Variants in SLC14A2 observed in about 807,000 individuals in gnomAD.
The protein encoded by SLC14A2 is solute carrier family 14 member 2.
SLC14A2 carries 91 observed loss-of-function variants against 104.6 expected under a neutral mutation model. That is an observed-to-expected ratio of 0.87 (90% CI 0.73 to 1.04). The LOEUF is 1.04. SLC14A2 is among the 50% of genes least tolerant of loss of function. The pLI is 0.00. For missense variants in SLC14A2, 1,189 were observed against 1,156.0 expected, an observed-to-expected ratio of 1.03 and a Z score of -0.41; for synonymous variants, 476 against 466.4, an observed-to-expected ratio of 1.02 and a Z score of -0.27.
At position 45,535,855 on chromosome 18, in the gene SLC14A2, A is replaced by G. The variant is rs77155502; in HGVS notation, c.-35+52533A>G. Among the ~76,000 whole-genome samples, 1,381 of 152,328 alleles carry G rather than the reference A, an allele frequency of 9.1e-3. 20 individuals are homozygous for G. The highest frequency in any genetic ancestry group is 0.031 in the African/African-American group (1,308 of 41,576). ...CTAGCCCTAGTGCCTCTCCTCTGCCATAGTTGGACTTGGAACTATAGGCAA... is the reference window on the plus strand; with the variant it reads ...CTAGCCCTAGTGCCTCTCCTCTGCCGTAGTTGGACTTGGAACTATAGGCAA... On this transcript the variant is annotated intron_variant, in intron 2 of 20. Transcript: ENST00000586448.
intron 1 of SLC14A2, among the ~76,000 whole-genome samples, chr18:45,351,542 A>T: frequency 6.6e-6 from 1 of 152,080 alleles, no homozygotes; most frequent in East Asian, 1.9e-4. Flanking sequence ...TTTTTTAAAG[A>T]CAAGGTCTCA....
At chr18:45,646,530 A>AGC (rs2045630061) in intron 10 of SLC14A2, 2 of 152,180 alleles carry the variant, frequency 1.3e-5, no homozygotes, top group Non-Finnish European at 2.9e-5. Flanking sequence ...CACCCAAAGC[A>AGC]TTGGGTCTGA....
chr18:45,446,653 G>C (rs1029563629), intron 1 of SLC14A2, among the ~76,000 whole-genome samples: 1 of 152,164 alleles, frequency 6.6e-6, no homozygotes, highest in Non-Finnish European at 1.5e-5. Context: ...AATAGCTTCA[G>C]CTCCCAAAAT....
At chr18:45,668,167 CA>C in intron 14 of SLC14A2, 145 bp downstream of exon 14, 1 of 1,121,174 alleles carries the variant, frequency 8.9e-7, no homozygotes, top group Non-Finnish European at 1.3e-6. Flanking sequence ...TTTGTCATAG[CA>C]ACATATTTCT....
rs569322946 is a variant in SLC14A2, at chr18:45,460,347, A to G, written c.-124-22886A>G. Among the ~76,000 whole-genome samples the G allele has an allele frequency of 1.2e-3, 184 of 152,180 alleles. 1 individual carries two copies. In the South Asian group the frequency reaches 0.014, roughly 11 times the overall value. On this transcript the variant is annotated intron_variant, in intron 1 of 20. Coordinates refer to the SLC14A2 transcript ENST00000586448. ...ACCTCCATGCTGCAGCACCCTCCCA[A>G]TGAAGTCTTCCTATTCAGGTGCTAT...
chr18:45,268,742 G>A (rs2084618956), intron 1 of SLC14A2, among the ~76,000 whole-genome samples: 1 of 152,174 alleles, frequency 6.6e-6, no homozygotes, highest in Non-Finnish European at 1.5e-5. Flanking sequence ...AGGGTAGAGA[G>A]CTGGTATACA....
At chr18:45,210,960 C>T (rs1000864968), upstream of SLC14A2, among the ~76,000 whole-genome samples, 6 of 152,040 alleles carry the variant, frequency 3.9e-5, no homozygotes, top group Non-Finnish European at 5.9e-5. Flanking sequence ...AGACTGAGGC[C>T]CAGAATGACA....
chr18:45,319,417 A>G (rs1295595764), intron 1 of SLC14A2, among the ~76,000 whole-genome samples: 2 of 152,216 alleles, frequency 1.3e-5, no homozygotes, highest in African/African-American at 4.8e-5. Flanking sequence ...CATACTGCCT[A>G]TCTTGGTTAG....
intron 1 of SLC14A2, among the ~76,000 whole-genome samples, chr18:45,348,375 A>G (rs1027904858): frequency 6.6e-6 from 1 of 152,180 alleles, no homozygotes; most frequent in Non-Finnish European, 1.5e-5. Flanking sequence ...CCAGGTGACA[A>G]GGGGTCCAAA....
intron 1 of SLC14A2, among the ~76,000 whole-genome samples, chr18:45,240,445 G>A (rs930556552): frequency 1.3e-5 from 2 of 151,892 alleles, no homozygotes; most frequent in Admixed American, 1.3e-4. Flanking sequence ...AGGATGCCCA[G>A]TATATATGTG....
intron 2 of SLC14A2, among the ~76,000 whole-genome samples, chr18:45,497,065 G>A (rs1397449230): frequency 6.6e-6 from 1 of 152,062 alleles, no homozygotes; most frequent in Non-Finnish European, 1.5e-5. Flanking sequence ...GCCTATTGTG[G>A]GACTTTGCCT....
intron 1 of SLC14A2, among the ~76,000 whole-genome samples, chr18:45,475,674 T>C (rs1282866375): frequency 2.0e-5 from 2 of 99,502 alleles, no homozygotes; most frequent in Non-Finnish European, 4.1e-5. Flanking sequence ...TATATATATA[T>C]ATATATATAT....
At position 45,627,099 on chromosome 18, in the gene SLC14A2, TG is replaced by T; in HGVS notation, c.477del (p.Thr160GlnfsTer6). The T allele has an allele frequency of 6.2e-7, 1 of 1,614,096 alleles. No homozygotes were observed. Among genetic ancestry groups the T allele is most frequent in the Non-Finnish European group, 8.5e-7 (1 of 1,180,010 alleles). ...QNPWWTITGG[L>X]GTVVSTLTAL... The stretch of plus-strand genomic sequence containing the variant: ...CCCTGGTGGACAATCACTGGGGGCC[TG>T]GGGACAGTGGTCTCGACCTTAACAG... On this transcript the variant is annotated frameshift_variant, in exon 4 of 20. Transcript: ENST00000255226. LOFTEE classifies it high-confidence loss of function.
chr18:45,426,489 C>A lies in SLC14A2; in HGVS notation c.-124-56744C>A, dbSNP rs150882391. 4.6e-3 allele frequency among the ~76,000 whole-genome samples: 704 copies of A among 151,514 alleles called. 5 individuals carry two copies. Among genetic ancestry groups the A allele is most frequent in the African/African-American group, 0.016 (675 of 41,246 alleles). On this transcript the variant is annotated intron_variant, in intron 1 of 20. Coordinates refer to the SLC14A2 transcript ENST00000586448. ...TTTAAAAAGTGATGTCCAAGCAGAG[C>A]ACACCCTTGTATGTTTTATCCCTGA...
intron 1 of SLC14A2, among the ~76,000 whole-genome samples, chr18:45,247,849 T>C (rs910366878): frequency 6.6e-6 from 1 of 152,072 alleles, no homozygotes; most frequent in African/African-American, 2.4e-5. Flanking sequence ...AGCTCATCTA[T>C]GTAGGAGAGA....
chr18:45,530,791 T>G (rs887551412), intron 2 of SLC14A2, among the ~76,000 whole-genome samples: 1 of 152,154 alleles, frequency 6.6e-6, no homozygotes, highest in Non-Finnish European at 1.5e-5. Context: ...GTTGGTGTGC[T>G]GAACCCATTA....
At chr18:45,295,745 GGAAC>G (rs2084912532) in intron 1 of SLC14A2, among the ~76,000 whole-genome samples, 1 of 152,082 alleles carries the variant, frequency 6.6e-6, no homozygotes, top group Admixed American at 6.5e-5. Flanking sequence ...ATTGGCTATG[GGAAC>G]TATCTGAAGG....
At chr18:45,408,306 A>G (rs1282797383) in intron 1 of SLC14A2, among the ~76,000 whole-genome samples, 1 of 152,180 alleles carries the variant, frequency 6.6e-6, no homozygotes, top group Non-Finnish European at 1.5e-5. Flanking sequence ...TATATTTGCT[A>G]TCCCCTAGAA....
chr18:45,422,208 G>A (rs988271054), intron 1 of SLC14A2, among the ~76,000 whole-genome samples: 2 of 152,130 alleles, frequency 1.3e-5, no homozygotes, highest in African/African-American at 4.8e-5. Flanking sequence ...AGGACACTGG[G>A]TACTCTCAAG....
Sources: gnomAD v4.1 joint callset for allele counts (sites outside exome capture counted in the v4.1 genomes callset) on GRCh38, gnomAD v4.1.1 for gene constraint, MANE v1.5 for transcripts, NCBI Gene and HGNC (gene_info 2026-07-23, HGNC 2026-07-21) for gene names.